Variants in MTUS2 observed in about 807,000 individuals in gnomAD.
MTUS2 encodes microtubule-associated tumor suppressor candidate 2.
MTUS2 carries 40 observed loss-of-function variants against 114.1 expected under a neutral mutation model. That is an observed-to-expected ratio of 0.35 (90% CI 0.27 to 0.46). MTUS2 has a LOEUF of 0.46. Ranked by LOEUF, MTUS2 falls within the 20% of genes least tolerant of loss-of-function variation. The pLI, the probability that MTUS2 is intolerant of heterozygous loss-of-function variation, is 1.00. For missense variants in MTUS2, 1,679 were observed against 1,705.4 expected, an observed-to-expected ratio of 0.98 and a Z score of 0.27; for synonymous variants, 688 against 672.0, an observed-to-expected ratio of 1.02 and a Z score of -0.37.
intron 2 of MTUS2, among the ~76,000 whole-genome samples, chr13:28,891,515 A>G (rs1216450598): frequency 6.6e-6 from 1 of 152,210 alleles, no homozygotes; most frequent in African/African-American, 2.4e-5. Flanking sequence ...GGAGCTTTGT[A>G]AATGTTAAGT....
chr13:29,451,200 A>G (rs2138737158), intron 9 of MTUS2, among the ~76,000 whole-genome samples: 1 of 152,330 alleles, frequency 6.6e-6, no homozygotes, highest in South Asian at 2.1e-4. Flanking sequence ...CCATAAAACA[A>G]ACTTCAACAA....
chr13:29,481,593 C>T (rs1188445823), intron 10 of MTUS2, among the ~76,000 whole-genome samples: 1 of 152,202 alleles, frequency 6.6e-6, no homozygotes, highest in African/African-American at 2.4e-5. Flanking sequence ...TTGGGCTACC[C>T]TCCTCGGCTG....
chr13:29,158,640 A>G (rs1304564093), intron 5 of MTUS2, among the ~76,000 whole-genome samples: 1 of 152,006 alleles, frequency 6.6e-6, no homozygotes, highest in Non-Finnish European at 1.5e-5. Flanking sequence ...AGTTGCTTCT[A>G]CCTCTGTGCT....
At chr13:28,936,477 C>T (rs1881904534) in intron 2 of MTUS2, among the ~76,000 whole-genome samples, 1 of 152,102 alleles carries the variant, frequency 6.6e-6, no homozygotes, top group South Asian at 2.1e-4. Context: ...GTGGTGCTGG[C>T]CTCTTTGCTT....
chr13:29,140,944 G>A (rs1257743314), intron 5 of MTUS2, among the ~76,000 whole-genome samples: 1 of 152,180 alleles, frequency 6.6e-6, no homozygotes, highest in Non-Finnish European at 1.5e-5. Context: ...CGGTGTCGAT[G>A]TGCACTAGAT....
intron 2 of MTUS2, among the ~76,000 whole-genome samples, chr13:28,972,039 A>C (rs533079856): frequency 6.6e-6 from 1 of 152,368 alleles, no homozygotes; most frequent in South Asian, 2.1e-4. Context: ...AGAACTTTCA[A>C]ATTTCACAAG....
At chr13:29,403,130 A>G (rs779320902) in intron 8 of MTUS2, among the ~76,000 whole-genome samples, 1 of 152,212 alleles carries the variant, frequency 6.6e-6, no homozygotes, top group Non-Finnish European at 1.5e-5. Context: ...TAAGGGATAA[A>G]TAGCCCTATC....
intron 2 of MTUS2, among the ~76,000 whole-genome samples, chr13:28,853,702 C>G (rs1200604872): frequency 6.6e-6 from 1 of 152,178 alleles, no homozygotes; most frequent in Non-Finnish European, 1.5e-5. Flanking sequence ...GATTGACCAT[C>G]ATGTTAAAAA....
intron 2 of MTUS2, among the ~76,000 whole-genome samples, chr13:28,869,776 A>C (rs1877512188): frequency 6.6e-6 from 1 of 152,194 alleles, no homozygotes; most frequent in South Asian, 2.1e-4. Flanking sequence ...TCTCCAAAAC[A>C]AAACAAAACA....
At chr13:29,488,747 A>G (rs1221495914) in intron 11 of MTUS2, among the ~76,000 whole-genome samples, 5 of 152,214 alleles carry the variant, frequency 3.3e-5, no homozygotes, top group Admixed American at 6.5e-5. Flanking sequence ...GCTTACACTC[A>G]TAGACCACAT....
intron 10 of MTUS2, among the ~76,000 whole-genome samples, chr13:29,483,004 G>C (rs999709298): frequency 3.9e-5 from 6 of 152,310 alleles, no homozygotes; most frequent in Non-Finnish European, 8.8e-5. Flanking sequence ...CTGTTTAGTG[G>C]GAGAGGAGAC....
intron 5 of MTUS2, among the ~76,000 whole-genome samples, chr13:29,147,945 T>C (rs1385311274): frequency 6.6e-6 from 1 of 152,296 alleles, no homozygotes; most frequent in East Asian, 1.9e-4. Flanking sequence ...TTATTTTCCT[T>C]TGGGTATGTT....
In MTUS2 at chr13:29,291,455, A is replaced by G. The variant is rs114738936; in HGVS notation, c.2806+9590A>G. Reference sequence around the variant, plus strand: ...ATCATTGACTCAGAGGGGAGGTACTAGGGTGTTTTAAACAAACATTTGTTT... The same window carrying G: ...ATCATTGACTCAGAGGGGAGGTACTGGGGTGTTTTAAACAAACATTTGTTT... On this transcript the variant is annotated intron_variant, in intron 6 of 15. Transcript: ENST00000612955. Among the ~76,000 whole-genome samples, 321 of 152,356 alleles carry G rather than the reference A, an allele frequency of 2.1e-3. 2 individuals are homozygous for G. Among genetic ancestry groups the G allele is most frequent in the Middle Eastern group, 6.8e-3 (2 of 294 alleles).
chr13:28,949,045 A>G (rs1429872692), intron 2 of MTUS2, among the ~76,000 whole-genome samples: 1 of 152,244 alleles, frequency 6.6e-6, no homozygotes, highest in African/African-American at 2.4e-5. Context: ...AAAAGGGAAC[A>G]TGTGTATGTA....
At chr13:28,894,860 T>C (rs1402765491) in intron 2 of MTUS2, among the ~76,000 whole-genome samples, 2 of 152,230 alleles carry the variant, frequency 1.3e-5, no homozygotes, top group Non-Finnish European at 2.9e-5. Flanking sequence ...TTGTGTGTTT[T>C]ACTAGCTTCA....
At chr13:28,865,099 A>G (rs1476961682) in intron 2 of MTUS2, among the ~76,000 whole-genome samples, 3 of 152,130 alleles carry the variant, frequency 2.0e-5, no homozygotes, top group East Asian at 1.9e-4. Flanking sequence ...GTCTGTATGT[A>G]TGTGTATATG....
intron 1 of MTUS2, among the ~76,000 whole-genome samples, chr13:28,829,056 A>C (rs1874473449): frequency 6.6e-6 from 1 of 152,258 alleles, no homozygotes; most frequent in African/African-American, 2.4e-5. Context: ...AAGCACTGGC[A>C]AAAATATCAA....
chr13:29,317,043 C>G (rs1900019846), intron 6 of MTUS2, among the ~76,000 whole-genome samples: 1 of 152,218 alleles, frequency 6.6e-6, no homozygotes, highest in South Asian at 2.1e-4. Context: ...CACTTGTTCA[C>G]TCTTCTGTCC....
chr13:29,122,279 C>G (rs1372619955), intron 5 of MTUS2, among the ~76,000 whole-genome samples: 1 of 152,072 alleles, frequency 6.6e-6, no homozygotes, highest in East Asian at 1.9e-4. Flanking sequence ...TGTTCTCATG[C>G]TGCTATGAAG....
Sources: allele counts gnomAD v4.1 joint callset (sites outside exome capture counted in the v4.1 genomes callset), GRCh38; gene constraint gnomAD v4.1.1; transcripts MANE v1.5; gene names NCBI Gene and HGNC (gene_info 2026-07-23, HGNC 2026-07-21).